MRO: variants seen among roughly 807,000 people sequenced by gnomAD.
The protein encoded by MRO is maestro.
Under a neutral mutation model 31.0 loss-of-function variants are expected in MRO, and 28 were observed. The observed-to-expected ratio is 0.90, with a 90% confidence interval of 0.67 to 1.24. MRO has a LOEUF of 1.24. MRO is among the 50% of genes most tolerant of loss of function. The pLI is 0.00. For synonymous variants in MRO, 108 were observed against 108.4 expected, an observed-to-expected ratio of 1.00 and a Z score of 0.02; for missense variants, 332 against 289.2, an observed-to-expected ratio of 1.15 and a Z score of -1.07.
At chr18:50,808,865 C>T (rs550195055) in intron 3 of MRO, among the ~76,000 whole-genome samples, 16 of 151,202 alleles carry the variant, frequency 1.1e-4, no homozygotes, top group African/African-American at 2.9e-4. Flanking sequence ...CGGCCGGGCG[C>T]GGTGGCTCAC....
intron 2 of MRO, 32 bp from the exon 3 acceptor site, chr18:50,809,436 C>G: frequency 7.1e-7 from 1 of 1,406,310 alleles, no homozygotes; most frequent in Non-Finnish European, 1.0e-6. Context: ...ATCACATGCG[C>G]CACAGACACT....
rs1429537576 is a variant in MRO, at chr18:50,809,482, C to T, written c.-4-78G>A. The T allele has an allele frequency of 7.1e-6, 7 of 992,092 alleles. No homozygotes were observed. The East Asian group carries it at 1.3e-4, about 18-fold the overall frequency. 61.5% of individuals were successfully genotyped at this position (992,092 alleles called of 1,614,324 possible). On this transcript the variant is annotated intron_variant, in intron 2 of 7. Coordinates refer to ENST00000398439, the MANE Select transcript of MRO (RefSeq NM_031939.6). ...AAACATTGTTGTACAATGCATTGTG[C>T]TGGGGTAAGAATATAAAGAGGCAGC...
chr18:50,822,529 G>A (rs190783179), upstream of MRO, among the ~76,000 whole-genome samples: 1,362 of 152,038 alleles, frequency 9.0e-3, 6 homozygotes, highest in East Asian at 0.026. Flanking sequence ...ATAAAGACGG[G>A]GTTTCACCAT....
intron 2 of MRO, among the ~76,000 whole-genome samples, chr18:50,813,585 G>GT (rs1386905924): frequency 2.0e-5 from 3 of 152,338 alleles, no homozygotes; most frequent in Non-Finnish European, 1.5e-5. Flanking sequence ...GATGTGGCTG[G>GT]TTTGGTGACC....
intron 5 of MRO, among the ~76,000 whole-genome samples, chr18:50,803,057 T>C (rs1913549170): frequency 6.6e-6 from 1 of 152,042 alleles, no homozygotes. Flanking sequence ...ACCATCTAAC[T>C]GGGAACACAC....
At chr18:50,816,410 A>G (rs996096677) in intron 2 of MRO, among the ~76,000 whole-genome samples, 1 of 152,238 alleles carries the variant, frequency 6.6e-6, no homozygotes, top group Non-Finnish European at 1.5e-5. Context: ...AGAATAAAAA[A>G]TTAAGGAATT....
At chr18:50,800,191 C>A in intron 6 of MRO, 48 bp from the exon 7 acceptor site, 3 of 1,367,418 alleles carry the variant, frequency 2.2e-6, no homozygotes, top group African/African-American at 1.5e-5. Flanking sequence ...GTTCCATAAT[C>A]CCAAGCAAGG....
At chr18:50,808,507 G>A (rs1244085722) in intron 3 of MRO, among the ~76,000 whole-genome samples, 1 of 148,710 alleles carries the variant, frequency 6.7e-6, no homozygotes, top group Non-Finnish European at 1.5e-5. Context: ...CGCCCAGGCT[G>A]CAGTGCAGTG....
In MRO at chr18:50,799,358, G is replaced by A; in HGVS notation, c.726C>T (p.Phe242=). ...GCGCTTACAGAATTTTATTTGCGTA[G>A]AAGAACTGCAGGATCTCTGGATGAT... ...SHYHPEILQF[F]YANKIL The change falls in exon 8 of 8, where the codon TTC becomes TTT. Residue 242 remains phenylalanine (F), a synonymous_variant. Transcript: ENST00000398439. 1 of 1,614,026 alleles carries A rather than the reference G, an allele frequency of 6.2e-7. No individual in the cohort carries two copies. Among genetic ancestry groups the A allele is most frequent in the Non-Finnish European group, 8.5e-7 (1 of 1,179,934 alleles).
intron 5 of MRO, 64 bp downstream of exon 5, chr18:50,805,090 C>T: frequency 7.0e-7 from 1 of 1,419,154 alleles, no homozygotes; most frequent in Middle Eastern, 2.2e-4. Context: ...CGCACCCGGC[C>T]CCACAGTCAT....
In MRO at chr18:50,805,154, G is replaced by A. The variant is rs2586776; in HGVS notation, c.429C>T (p.Asp143=). Residue 143 remains aspartate (D), a splice_region_variant and synonymous_variant, in exon 5 of 8, where the codon GAC becomes GAT. Transcript: ENST00000398439. The part of the protein sequence containing the change: ...ITLQTRTLLD[D]ENDSLRYSAF... ...CCCAGAATTTTTCTGATTTACTTAC[G>A]TCATCTAATAAAGTCCTGGTCTGAA... 770,453 of 1,598,386 alleles carry A rather than the reference G, an allele frequency of 0.48. 187,617 individuals carry two copies. The highest frequency in any genetic ancestry group is 0.56 in the South Asian group (50,594 of 90,582).
chr18:50,810,904 T>C (rs1405135615), intron 2 of MRO, among the ~76,000 whole-genome samples: 1 of 152,136 alleles, frequency 6.6e-6, no homozygotes, highest in East Asian at 1.9e-4. Flanking sequence ...ACGTGCAGGT[T>C]TGTTGCATAT....
intron 2 of MRO, among the ~76,000 whole-genome samples, chr18:50,810,323 G>T (rs1006057383): frequency 2.0e-5 from 3 of 152,194 alleles, no homozygotes. Flanking sequence ...TCACTAAGAA[G>T]AATATTGGGC....
intron 4 of MRO, 69 bp from the exon 5 acceptor site, chr18:50,805,405 C>T (rs1913828812): frequency 7.9e-7 from 1 of 1,261,388 alleles, no homozygotes; most frequent in Admixed American, 2.0e-5. Context: ...AGCAACCCCA[C>T]ATCTAAGCTA....
At chr18:50,823,246 TTCC>T (rs111680842), upstream of MRO, among the ~76,000 whole-genome samples, 47,961 of 151,828 alleles carry the variant, frequency 0.32, 7,851 homozygotes, top group Non-Finnish European at 0.36. Flanking sequence ...CCACATTTGC[TTCC>T]TCCCACTTCT....
At chr18:50,810,299 C>T (rs1044021405) in intron 2 of MRO, among the ~76,000 whole-genome samples, 6 of 152,196 alleles carry the variant, frequency 3.9e-5, no homozygotes, top group Non-Finnish European at 7.3e-5. Flanking sequence ...AACTTTACAA[C>T]GACTGCTATG....
intron 5 of MRO, among the ~76,000 whole-genome samples, chr18:50,802,732 G>A (rs1415931068): frequency 6.6e-6 from 1 of 151,638 alleles, no homozygotes; most frequent in South Asian, 2.1e-4. Context: ...TTTTGTTTTT[G>A]TTTTTGTTTT....
At chr18:50,818,755 T>C (rs1166928684) in intron 2 of MRO, among the ~76,000 whole-genome samples, 8 of 152,160 alleles carry the variant, frequency 5.3e-5, no homozygotes, top group Admixed American at 6.5e-5. Context: ...ACTGAACTTA[T>C]AAATGACAAT....
intron 2 of MRO, chr18:50,816,062 G>C (rs1004381106): frequency 1.3e-5 from 2 of 152,644 alleles, no homozygotes; most frequent in Middle Eastern, 3.4e-3. Context: ...AAAAACAGCA[G>C]AAAAGGGATA....
Sources: allele counts gnomAD v4.1 joint callset (sites outside exome capture counted in the v4.1 genomes callset), GRCh38; gene constraint gnomAD v4.1.1; transcripts MANE v1.5; gene names NCBI Gene and HGNC (gene_info 2026-07-23, HGNC 2026-07-21).